GAREM1: variants seen among roughly 807,000 people sequenced by gnomAD.
GAREM1 encodes GRB2 associated regulator of MAPK1 subtype 1.
A neutral mutation model predicts 71.3 loss-of-function variants in GAREM1; 26 were observed. That is an observed-to-expected ratio of 0.36 (90% CI 0.27 to 0.51). GAREM1 has a LOEUF of 0.51. Among genes scored for constraint, GAREM1 ranks in the 20% least tolerant of loss-of-function variants. The pLI is 0.95. For missense variants in GAREM1, 1,026 were observed against 1,103.1 expected (o/e 0.93, Z 0.99); for synonymous variants, 440 against 433.2 (o/e 1.02, Z -0.20).
chr18:32,298,851 T>C (rs527381944), intron 3 of GAREM1, among the ~76,000 whole-genome samples: 8 of 152,192 alleles, frequency 5.3e-5, no homozygotes, highest in Non-Finnish European at 7.4e-5. Context: ...CCAAATTAAA[T>C]TTTCATTACT....
chr18:32,381,759 G>A (rs1475347098), intron 2 of GAREM1, among the ~76,000 whole-genome samples: 1 of 152,182 alleles, frequency 6.6e-6, no homozygotes, highest in Non-Finnish European at 1.5e-5. Context: ...AGAGATTATA[G>A]TTCCCATTAT....
At chr18:32,340,487 A>G (rs902266310) in intron 2 of GAREM1, among the ~76,000 whole-genome samples, 2 of 152,148 alleles carry the variant, frequency 1.3e-5, no homozygotes, top group Admixed American at 1.3e-4. Context: ...AAGAAAGGGG[A>G]AGAAAAGCAG....
intron 1 of GAREM1, among the ~76,000 whole-genome samples, chr18:32,405,141 A>T (rs2048353654): frequency 6.6e-6 from 1 of 152,190 alleles, no homozygotes; most frequent in African/African-American, 2.4e-5. Flanking sequence ...TGTAGAAAGG[A>T]AACTTACTGA....
chr18:32,314,609 G>A lies in GAREM1; in HGVS notation c.263-4286C>T, dbSNP rs1382188680. Among the ~76,000 whole-genome samples, 3 of 144,022 alleles carry A rather than the reference G, an allele frequency of 2.1e-5. No individual in the cohort carries two copies. The East Asian group carries it at 6.0e-4, about 29-fold the overall frequency. 94.5% of individuals were successfully genotyped at this position (144,022 alleles called of 152,430 possible). A position where few individuals can be genotyped will look rare whatever the true frequency, so the allele number is the denominator to read the frequency against. ...TTTGTTGTTGTTTTTTTTTTTTTGA[G>A]ACGGAGTCTCGCTCTGTCTCCCAGG... On this transcript the variant is annotated intron_variant, in intron 2 of 5. Transcript: ENST00000269209.
chr18:32,413,276 G>T, intron 1 of GAREM1: 1 of 1,430,564 alleles, frequency 7.0e-7, no homozygotes. Context: ...ACAGTTTGGG[G>T]GAGTCACTCA....
intron 1 of GAREM1, among the ~76,000 whole-genome samples, chr18:32,468,472 T>G (rs566890695): frequency 1.4e-4 from 22 of 152,272 alleles, no homozygotes; most frequent in African/African-American, 4.6e-4. Context: ...TAAGAGAAAT[T>G]TACAATGAAG....
intron 1 of GAREM1, among the ~76,000 whole-genome samples, chr18:32,399,300 C>T (rs374317432): frequency 0.13 from 20,293 of 151,930 alleles, 1,568 homozygotes; most frequent in African/African-American, 0.21. Flanking sequence ...CTATTCAACA[C>T]AGTGTTGGAA....
chr18:32,297,447 C>T lies in GAREM1; in HGVS notation c.394-9244G>A, dbSNP rs563315092. Among the ~76,000 whole-genome samples the T allele has an allele frequency of 4.5e-4, 69 of 152,274 alleles. No individual in the cohort carries two copies. The South Asian group carries it at 0.014, about 30-fold the overall frequency. On this transcript the variant is annotated intron_variant, in intron 3 of 5. Coordinates refer to ENST00000269209, the MANE Select transcript of GAREM1 (RefSeq NM_001242409.2). ...TAGGCTCTCAATAAATGGAGGCCAT[C>T]GTTACTATTACTTTTATTAACAAAA...
At chr18:32,358,661 G>A (rs1227343614) in intron 2 of GAREM1, among the ~76,000 whole-genome samples, 1 of 152,082 alleles carries the variant, frequency 6.6e-6, no homozygotes, top group African/African-American at 2.4e-5. Context: ...ACTTTCTACG[G>A]TATCATGCAA....
At chr18:32,304,469 G>A (rs1193796271) in intron 3 of GAREM1, among the ~76,000 whole-genome samples, 1 of 152,082 alleles carries the variant, frequency 6.6e-6, no homozygotes, top group Non-Finnish European at 1.5e-5. Flanking sequence ...AGGTCAAGAT[G>A]GTAATAATTT....
chr18:32,350,999 T>C (rs1303299376), intron 2 of GAREM1, among the ~76,000 whole-genome samples: 1 of 152,194 alleles, frequency 6.6e-6, no homozygotes, highest in Non-Finnish European at 1.5e-5. Flanking sequence ...GTAGAAAAAG[T>C]TGACTTGAAT....
At position 32,263,996 on chromosome 18, in the gene GAREM1, C is replaced by T. The variant is rs1460912976; in HGVS notation, c.*3875G>A. ...TTGTATATAGTTTAAACTGAAATCA[C>T]GTTTATTCCTTGTTTCTGGCTATCA... On this transcript the variant is annotated 3_prime_UTR_variant, in exon 6 of 6. Coordinates refer to ENST00000269209, the MANE Select transcript of GAREM1 (RefSeq NM_001242409.2). The T allele has an allele frequency of 4.6e-5, 7 of 152,148 alleles. No homozygotes were observed. Among genetic ancestry groups the T allele is most frequent in the South Asian group, 4.1e-4 (2 of 4,832 alleles). The allele number at this position is 152,148 out of a possible 1,614,324, so 9.4% of individuals were successfully genotyped here. A position where few individuals can be genotyped will look rare whatever the true frequency, so the allele number is the denominator to read the frequency against.
rs191629449 is a variant in GAREM1 at position 32,355,690 on chromosome 18, A to C, written c.262+37205T>G. Among the ~76,000 whole-genome samples the C allele has an allele frequency of 2.1e-3, 321 of 152,302 alleles. 4 individuals are homozygous for C. The highest frequency in any genetic ancestry group is 0.017 in the Admixed American group (256 of 15,290). The stretch of plus-strand genomic sequence containing the variant: ...TTTTCTAGTACCTTGACACCATTAC[A>C]TTTTATATAAATTCACAGAAAGAAC... On this transcript the variant is annotated intron_variant, in intron 2 of 5. Transcript: ENST00000269209.
At chr18:32,322,050 A>G (rs2047433989) in intron 2 of GAREM1, among the ~76,000 whole-genome samples, 2 of 152,214 alleles carry the variant, frequency 1.3e-5, no homozygotes. Flanking sequence ...TATGGAAACA[A>G]AGATTTCTAT....
chr18:32,366,318 A>C (rs201243420), intron 2 of GAREM1, among the ~76,000 whole-genome samples: 2 of 152,172 alleles, frequency 1.3e-5, no homozygotes, highest in East Asian at 3.8e-4. Context: ...AAACCTCATA[A>C]GCCTGCCTCC....
intron 2 of GAREM1, among the ~76,000 whole-genome samples, chr18:32,363,360 A>C (rs1424862864): frequency 6.6e-6 from 1 of 152,168 alleles, no homozygotes; most frequent in Non-Finnish European, 1.5e-5. Flanking sequence ...CTTGGACATT[A>C]CTTTTAACAC....
intron 3 of GAREM1, among the ~76,000 whole-genome samples, chr18:32,298,117 A>C (rs2047161732): frequency 6.6e-6 from 1 of 152,168 alleles, no homozygotes; most frequent in African/African-American, 2.4e-5. Flanking sequence ...TTTTGTCTAC[A>C]TTTTCGTGTA....
intron 1 of GAREM1, among the ~76,000 whole-genome samples, chr18:32,452,327 A>C (rs2048848264): frequency 6.6e-6 from 1 of 152,164 alleles, no homozygotes; most frequent in Non-Finnish European, 1.5e-5. Context: ...AGAGCCACCA[A>C]GTTAGCCAGA....
In GAREM1 at chr18:32,289,983, GT is replaced by G. The variant is rs906471840; in HGVS notation, c.394-1781del. Among the ~76,000 whole-genome samples, 37 of 147,992 alleles carry G rather than the reference GT, an allele frequency of 2.5e-4. 1 individual carries two copies. The highest frequency in any genetic ancestry group is 6.4e-4 in the African/African-American group (25 of 39,240). ...TACTCTGGTGGCTTATTTAAGGTAG[GT>G]TTTTTTTTGTGTGTGTGTGTAAGTT... On this transcript the variant is annotated intron_variant, in intron 3 of 5. Coordinates refer to ENST00000269209, the MANE Select transcript of GAREM1 (RefSeq NM_001242409.2).
Sources: gnomAD v4.1 joint callset for allele counts (sites outside exome capture counted in the v4.1 genomes callset) on GRCh38, gnomAD v4.1.1 for gene constraint, MANE v1.5 for transcripts, NCBI Gene and HGNC (gene_info 2026-07-23, HGNC 2026-07-21) for gene names.